The following CSMD1 variants were observed in gnomAD, a reference collection of about 807,000 sequenced individuals.
The protein encoded by CSMD1 is CUB and sushi domain-containing protein 1.
In CSMD1, 213 loss-of-function variants were observed where a neutral mutation model predicts 417.5. The observed-to-expected ratio is 0.51, with a 90% CI of 0.46 to 0.57. CSMD1 has a LOEUF of 0.57. CSMD1 is among the 20% of genes least tolerant of loss of function. CSMD1 has a pLI of 0.00. For synonymous variants in CSMD1, 2,862 were observed against 1,736.8 expected, an observed-to-expected ratio of 1.65 and a Z score of -16.11; for missense variants, 6,923 against 4,529.7, an observed-to-expected ratio of 1.53 and a Z score of -15.17.
chr8:4,233,109 A>T lies in CSMD1; in HGVS notation c.415+186844T>A, dbSNP rs568040937. 1.5e-4 allele frequency among the ~76,000 whole-genome samples: 23 copies of T among 152,344 alleles called. No homozygotes were observed. In the South Asian group the frequency reaches 4.6e-3, roughly 30 times the overall value. ...CTGGCACTGAACTGCACAGTTGGAA[A>T]ATGCTATCACTTATCCACAACGTTC... On this transcript the variant is annotated intron_variant, in intron 3 of 69. Transcript: ENST00000635120.
chr8:3,677,523 C>T (rs984351753), intron 7 of CSMD1, among the ~76,000 whole-genome samples: 1 of 152,068 alleles, frequency 6.6e-6, no homozygotes, highest in South Asian at 2.1e-4. Flanking sequence ...CCCAGGTGTC[C>T]CCAGGGTGGC....
intron 3 of CSMD1, among the ~76,000 whole-genome samples, chr8:4,290,633 C>T (rs145103287): frequency 6.6e-6 from 1 of 152,312 alleles, no homozygotes; most frequent in Non-Finnish European, 1.5e-5. Flanking sequence ...AGGAAAGATT[C>T]CTTGTGAGAA....
rs797021984 is a variant in CSMD1 at position 2,938,870 on chromosome 8, G to C, written c.10536-126C>G. The C allele has an allele frequency of 1.3e-5, 10 of 747,400 alleles. No individual in the cohort carries two copies. In the African/African-American group the frequency reaches 1.4e-4, roughly 11 times the overall value. 46.3% of individuals were successfully genotyped at this position (747,400 alleles called of 1,614,324 possible). ...GTATAGCCAGGACGTTTGCAAAGAA[G>C]GAAGGCATCCACACCTGCACACCTG... On this transcript the variant is annotated intron_variant, in intron 69 of 69. Transcript: ENST00000635120.
rs1009338309 is a variant in CSMD1, at chr8:4,313,971, G to A, written c.415+105982C>T. On this transcript the variant is annotated intron_variant, in intron 3 of 69. Transcript: ENST00000635120. The stretch of plus-strand genomic sequence containing the variant: ...AGAGGTTGCAGCGAGCCGAGACTGC[G>A]CCCCTGCACTCCAGCCTGGGCAACA... 1.5e-4 allele frequency among the ~76,000 whole-genome samples: 22 copies of A among 151,684 alleles called. No homozygotes were observed. The Middle Eastern group carries it at 0.021, about 146-fold the overall frequency.
intron 3 of CSMD1, among the ~76,000 whole-genome samples, chr8:4,130,948 A>C (rs2130979378): frequency 1.3e-5 from 2 of 152,238 alleles, no homozygotes; most frequent in Admixed American, 1.3e-4. Context: ...ATCATATCTA[A>C]TCTATAAAAT....
chr8:3,542,765 T>C (rs1037632756), intron 10 of CSMD1, among the ~76,000 whole-genome samples: 1 of 152,180 alleles, frequency 6.6e-6, no homozygotes, highest in African/African-American at 2.4e-5. Flanking sequence ...CAGCTTGGAC[T>C]CTCTTCCAGT....
intron 29 of CSMD1, among the ~76,000 whole-genome samples, chr8:3,219,037 G>C (rs979331596): frequency 1.3e-5 from 2 of 152,026 alleles, no homozygotes; most frequent in African/African-American, 2.4e-5. Flanking sequence ...AACTGGGACA[G>C]TTTTTTTCCC....
At chr8:4,532,336 C>T (rs892589225) in intron 2 of CSMD1, among the ~76,000 whole-genome samples, 4 of 151,488 alleles carry the variant, frequency 2.6e-5, no homozygotes, top group African/African-American at 9.7e-5. Flanking sequence ...TCCATTCAGT[C>T]ACTCTGAAAG....
intron 5 of CSMD1, among the ~76,000 whole-genome samples, chr8:3,979,484 T>A (rs1813694142): frequency 6.6e-6 from 1 of 152,166 alleles, no homozygotes; most frequent in Non-Finnish European, 1.5e-5. Context: ...TGGCTTAGAA[T>A]GTTGTGTCAC....
chr8:4,947,636 G>A (rs1290729042), intron 1 of CSMD1, among the ~76,000 whole-genome samples: 7 of 151,972 alleles, frequency 4.6e-5, no homozygotes, highest in Admixed American at 3.3e-4. Context: ...CCTCCCCCCA[G>A]TGACAGATAA....
At position 3,284,151 on chromosome 8, in the gene CSMD1, C is replaced by G; in HGVS notation, c.4146G>C (p.Gln1382His). The G allele has an allele frequency of 6.4e-7, 1 of 1,563,332 alleles. No individual in the cohort carries two copies. ...FFISKSGFSI[Q>H]FSTSIAATCN... Reference sequence around the variant, plus strand: ...GCACGCTGTGCCACCTACTGGAGAACTGGATGGAGAAGCCAGACTTGCTGA... The same window carrying G: ...GCACGCTGTGCCACCTACTGGAGAAGTGGATGGAGAAGCCAGACTTGCTGA... Residue 1382 changes from glutamine (Q) to histidine (H), a missense_variant, in exon 26 of 70, where the codon CAG becomes CAC. By Grantham distance (24) the Gln-to-His change is conservative (BLOSUM62 0). Coordinates refer to ENST00000635120, the MANE Select transcript of CSMD1 (RefSeq NM_033225.6).
At chr8:4,606,820 T>C (rs575120044) in intron 2 of CSMD1, among the ~76,000 whole-genome samples, 4 of 152,308 alleles carry the variant, frequency 2.6e-5, no homozygotes, top group African/African-American at 9.6e-5. Context: ...GAAAACTAAT[T>C]TTATAAATCC....
chr8:3,673,205 C>A (rs1162100548), intron 7 of CSMD1, among the ~76,000 whole-genome samples: 1 of 152,168 alleles, frequency 6.6e-6, no homozygotes, highest in African/African-American at 2.4e-5. Context: ...ACCACATATG[C>A]CCCTGTGCAT....
At chr8:3,214,850 G>C (rs1023205049) in intron 29 of CSMD1, among the ~76,000 whole-genome samples, 159 bp from the exon 30 acceptor site, 1 of 152,050 alleles carries the variant, frequency 6.6e-6, no homozygotes, top group Non-Finnish European at 1.5e-5. Flanking sequence ...ATTGGCTATT[G>C]ACCAAGTGAA....
intron 50 of CSMD1, among the ~76,000 whole-genome samples, chr8:3,046,480 G>T (rs896913366): frequency 2.0e-5 from 3 of 152,136 alleles, no homozygotes; most frequent in Admixed American, 2.0e-4. Context: ...GGACATTTCA[G>T]AGCTAACAGT....
At chr8:4,056,620 G>T (rs189260958) in intron 3 of CSMD1, among the ~76,000 whole-genome samples, 62 of 151,852 alleles carry the variant, frequency 4.1e-4, no homozygotes, top group Middle Eastern at 6.8e-3. Flanking sequence ...GTGCCATGCT[G>T]GGGTCCTGCA....
intron 3 of CSMD1, among the ~76,000 whole-genome samples, chr8:4,150,664 G>A (rs1379626800): frequency 1.3e-5 from 2 of 152,212 alleles, no homozygotes; most frequent in Non-Finnish European, 2.9e-5. Context: ...TGGTTAGGGT[G>A]CAGATAAGGA....
intron 3 of CSMD1, 95 bp from the exon 4 acceptor site, chr8:4,032,194 A>C (rs1585169821): frequency 1.2e-6 from 1 of 829,208 alleles, no homozygotes; most frequent in East Asian, 2.6e-5. Flanking sequence ...TGAATTATTA[A>C]AATGAGAAAA....
intron 2 of CSMD1, among the ~76,000 whole-genome samples, chr8:4,582,258 A>C (rs1195776127): frequency 1.3e-5 from 2 of 152,184 alleles, no homozygotes; most frequent in South Asian, 2.1e-4. Flanking sequence ...GACCTAAAAA[A>C]TGGTCCCGGA....
Sources: gnomAD v4.1 joint callset for allele counts (sites outside exome capture counted in the v4.1 genomes callset) on GRCh38, gnomAD v4.1.1 for gene constraint, MANE v1.5 for transcripts, NCBI Gene and HGNC (gene_info 2026-07-23, HGNC 2026-07-21) for gene names.